Variants in GALNT13 observed in about 807,000 individuals in gnomAD.
The protein encoded by GALNT13 is polypeptide N-acetylgalactosaminyltransferase 13.
In GALNT13, 28 loss-of-function variants were observed where a neutral mutation model predicts 64.2. The observed-to-expected ratio is 0.44, with a 90% confidence interval of 0.32 to 0.60. The LOEUF (loss-of-function observed/expected upper bound fraction) is 0.60, where lower values mean the gene tolerates loss of function less well. GALNT13 is among the 20% of genes least tolerant of loss of function. The probability of loss-of-function intolerance (pLI) is 0.05; values close to 1 mark genes in which losing one functional copy is unlikely to be tolerated. For missense variants in GALNT13, 577 were observed against 669.8 expected (o/e 0.86, Z 1.53); for synonymous variants, 214 against 224.6 (o/e 0.95, Z 0.42).
chr2:154,382,242 C>T (rs1698306076), intron 9 of GALNT13, among the ~76,000 whole-genome samples: 1 of 151,918 alleles, frequency 6.6e-6, no homozygotes, highest in South Asian at 2.1e-4. Context: ...ATATAAAGCT[C>T]TAAAAAAGAA....
At chr2:153,429,487 C>T in the GALNT13 span, among the ~76,000 whole-genome samples, 1 of 151,984 alleles carries the variant, frequency 6.6e-6, no homozygotes, top group African/African-American at 2.4e-5. Flanking sequence ...ATGTGTGAAA[C>T]ATTGTGCTAA....
the GALNT13 span, among the ~76,000 whole-genome samples, chr2:153,202,539 C>G: frequency 6.6e-6 from 1 of 152,336 alleles, no homozygotes; most frequent in Non-Finnish European, 1.5e-5. Flanking sequence ...ACAATCCTTA[C>G]TTCACATTTG....
At chr2:154,355,025 T>C (rs1402265893) in intron 9 of GALNT13, among the ~76,000 whole-genome samples, 1 of 152,066 alleles carries the variant, frequency 6.6e-6, no homozygotes, top group Non-Finnish European at 1.5e-5. Flanking sequence ...TGAATCATAA[T>C]CCATTTAATT....
chr2:154,356,387 AG>A (rs1696750687), intron 9 of GALNT13, among the ~76,000 whole-genome samples: 1 of 152,022 alleles, frequency 6.6e-6, no homozygotes, highest in Non-Finnish European at 1.5e-5. Context: ...TTTAGTTATG[AG>A]AAATCTAGAC....
At chr2:154,149,696 A>T (rs910331400) in intron 4 of GALNT13, among the ~76,000 whole-genome samples, 1 of 152,060 alleles carries the variant, frequency 6.6e-6, no homozygotes, top group African/African-American at 2.4e-5. Flanking sequence ...GCAATTGTGA[A>T]TGGGAGTTCA....
intron 4 of GALNT13, among the ~76,000 whole-genome samples, chr2:154,235,791 ATTT>A (rs1689162551): frequency 6.6e-6 from 1 of 152,060 alleles, no homozygotes; most frequent in South Asian, 2.1e-4. Context: ...CTTATAGTCA[ATTT>A]TTATTTCTCT....
At position 154,438,660 on chromosome 2, in the gene GALNT13, T is replaced by G; in HGVS notation, c.1464T>G (p.Asn488Lys). The G allele has an allele frequency of 6.2e-7, 1 of 1,611,970 alleles. No homozygotes were observed. Among genetic ancestry groups the G allele is most frequent in the Non-Finnish European group, 8.5e-7 (1 of 1,178,132 alleles). Residue 488 changes from asparagine to lysine, a missense_variant, in exon 12 of 13, where the codon AAT becomes AAG. By Grantham distance (94) the Asn-to-Lys change is moderately conservative. This residue lies in a region of GALNT13 where 232 missense variants were observed against 270.6 expected (regional missense o/e 0.86). Transcript: ENST00000392825. Reference sequence around the variant, plus strand: ...TGTGCTTGGATGTTTCTAGACTCAATGGACCTGTAATCATGTTAAAATGCC... The same window carrying G: ...TGTGCTTGGATGTTTCTAGACTCAAGGGACCTGTAATCATGTTAAAATGCC... ...DDLCLDVSRL[N>K]GPVIMLKCHH...
At chr2:153,470,890 G>A in the GALNT13 span, among the ~76,000 whole-genome samples, 1 of 152,054 alleles carries the variant, frequency 6.6e-6, no homozygotes, top group East Asian at 1.9e-4. Flanking sequence ...TTCACAGTGG[G>A]GGAAATGAAT....
At chr2:153,188,353 T>C in the GALNT13 span, among the ~76,000 whole-genome samples, 4 of 148,174 alleles carry the variant, frequency 2.7e-5, no homozygotes, top group African/African-American at 9.8e-5. Flanking sequence ...TACAGTACTT[T>C]ATACTTTAAA....
At chr2:153,240,885 GTGTC>G in the GALNT13 span, among the ~76,000 whole-genome samples, 1 of 152,034 alleles carries the variant, frequency 6.6e-6, no homozygotes, top group Non-Finnish European at 1.5e-5. Context: ...CCATGGTGGG[GTGTC>G]TGTCTTAGTT....
chr2:154,387,941 G>A (rs1698594676), intron 9 of GALNT13, among the ~76,000 whole-genome samples: 1 of 152,118 alleles, frequency 6.6e-6, no homozygotes, highest in Non-Finnish European at 1.5e-5. Flanking sequence ...AAACTCAGAA[G>A]AGGAATTACA....
chr2:154,063,646 T>C (rs1237274074), intron 3 of GALNT13, among the ~76,000 whole-genome samples: 2 of 152,210 alleles, frequency 1.3e-5, no homozygotes, highest in Non-Finnish European at 2.9e-5. Context: ...AGGTTGCCAC[T>C]TATCTGTATT....
At chr2:153,369,997 GTC>G in the GALNT13 span, among the ~76,000 whole-genome samples, 1 of 152,082 alleles carries the variant, frequency 6.6e-6, no homozygotes. Flanking sequence ...TTAAGCCCCT[GTC>G]TCTAATTTTA....
At chr2:154,298,738 G>A (rs866184926) in intron 8 of GALNT13, among the ~76,000 whole-genome samples, 1,095 of 59,642 alleles carry the variant, frequency 0.018, 168 homozygotes, top group African/African-American at 0.064. Context: ...TTTATATATA[G>A]TATATATAAA....
intron 4 of GALNT13, among the ~76,000 whole-genome samples, chr2:154,178,977 C>T (rs1033977298): frequency 1.3e-5 from 2 of 152,170 alleles, no homozygotes; most frequent in Admixed American, 1.3e-4. Context: ...CACACAGAAC[C>T]AATCTGAGAT....
downstream of GALNT13, among the ~76,000 whole-genome samples, chr2:154,456,486 A>G (rs1381467106): frequency 1.3e-5 from 2 of 152,038 alleles, no homozygotes; most frequent in Non-Finnish European, 2.9e-5. Flanking sequence ...TAGATAAACA[A>G]CGTCACTATT....
At chr2:153,988,495 G>A (rs1427605935) in intron 3 of GALNT13, among the ~76,000 whole-genome samples, 5 of 151,884 alleles carry the variant, frequency 3.3e-5, no homozygotes, top group African/African-American at 9.7e-5. Context: ...ATAAAAAATG[G>A]TAAAATATCC....
At chr2:153,826,569 A>T in the GALNT13 span, among the ~76,000 whole-genome samples, 1 of 152,344 alleles carries the variant, frequency 6.6e-6, no homozygotes, top group African/African-American at 2.4e-5. Flanking sequence ...CTTATACTTT[A>T]ATCCTTATCA....
At chr2:153,660,812 C>G in the GALNT13 span, among the ~76,000 whole-genome samples, 1 of 151,908 alleles carries the variant, frequency 6.6e-6, no homozygotes, top group Non-Finnish European at 1.5e-5. Flanking sequence ...AGAGCCTTAT[C>G]TTGAAATTGT....
Sources: allele counts gnomAD v4.1 joint callset (sites outside exome capture counted in the v4.1 genomes callset), GRCh38; gene constraint gnomAD v4.1.1; regional missense constraint gnomAD v4.1.1; transcripts MANE v1.5; gene names NCBI Gene and HGNC (gene_info 2026-07-23, HGNC 2026-07-21).